The following ATP2C1 variants were observed in gnomAD, a reference collection of about 807,000 sequenced individuals.
The protein encoded by ATP2C1 is calcium-transporting ATPase type 2C member 1.
Under a neutral mutation model 120.5 loss-of-function variants are expected in ATP2C1, and 31 were observed. The ratio of observed to expected loss-of-function variants is 0.26; its 90% CI spans 0.19 to 0.35. ATP2C1 has a LOEUF of 0.35. ATP2C1 is among the 10% of genes least tolerant of loss of function. The probability of loss-of-function intolerance (pLI) is 1.00; values close to 1 mark genes in which losing one functional copy is unlikely to be tolerated. For synonymous variants in ATP2C1, 351 were observed against 358.7 expected, an observed-to-expected ratio of 0.98 and a Z score of 0.24; for missense variants, 731 against 1,107.5, an observed-to-expected ratio of 0.66 and a Z score of 4.83.
chr3:130,888,948 C>T (rs1171748742), intron 1 of ATP2C1, among the ~76,000 whole-genome samples: 3 of 152,064 alleles, frequency 2.0e-5, no homozygotes, highest in East Asian at 1.9e-4. Flanking sequence ...CAAAACACTT[C>T]GAATATTAAA....
chr3:130,983,678 C>T (rs1332240267), intron 20 of ATP2C1, among the ~76,000 whole-genome samples: 2 of 152,212 alleles, frequency 1.3e-5, no homozygotes, highest in African/African-American at 4.8e-5. Flanking sequence ...CTCCCCACTC[C>T]GCTTGAATCC....
chr3:130,947,166 T>C (rs2060188231), intron 8 of ATP2C1, among the ~76,000 whole-genome samples: 1 of 152,164 alleles, frequency 6.6e-6, no homozygotes, highest in Admixed American at 6.6e-5. Context: ...GGGCTCTGTT[T>C]TGGTAGGTGT....
At chr3:130,890,376 G>A (rs1324915821), upstream of ATP2C1, among the ~76,000 whole-genome samples, 1 of 152,142 alleles carries the variant, frequency 6.6e-6, no homozygotes, top group Non-Finnish European at 1.5e-5. Flanking sequence ...GTCTAATCCA[G>A]AAGACTGGTA....
Position 130,980,602 on chromosome 3 carries a change from T to C in ATP2C1, c.1762T>C (p.Ser588Pro), listed in dbSNP as rs1404321836. 2.5e-6 allele frequency: 4 copies of C among 1,613,228 alleles called. No individual in the cohort carries two copies. Among genetic ancestry groups the C allele is most frequent in the Admixed American group, 1.7e-5 (1 of 59,978 alleles). ...VAIASRLGLY[S>P]KTSQSVSGEE... The stretch of plus-strand genomic sequence containing the variant: ...TTTAGCCAGTCGTCTGGGATTGTAT[T>C]CCAAAACTTCCCAGTCAGTCTCAGG... Residue 588 changes from serine to proline, a missense_variant, in exon 20 of 28, where the codon TCC becomes CCC. Coordinates refer to ENST00000510168, the MANE Select transcript of ATP2C1 (RefSeq NM_001378687.1).
chr3:130,973,419 C>T (rs1033608507), intron 17 of ATP2C1, among the ~76,000 whole-genome samples: 1 of 152,284 alleles, frequency 6.6e-6, no homozygotes, highest in South Asian at 2.1e-4. Flanking sequence ...TAGTCTGCCA[C>T]TTAGCCCAGC....
intron 20 of ATP2C1, among the ~76,000 whole-genome samples, chr3:130,986,410 C>T (rs1314522819): frequency 6.6e-6 from 1 of 152,120 alleles, no homozygotes; most frequent in East Asian, 1.9e-4. Context: ...TCAGTTTGTC[C>T]TCTGGCTCTC....
At chr3:130,944,493 A>G (rs1165391183) in intron 8 of ATP2C1, among the ~76,000 whole-genome samples, 2 of 152,130 alleles carry the variant, frequency 1.3e-5, no homozygotes, top group East Asian at 3.9e-4. Context: ...CATGGCGGAG[A>G]CAGCAATTTC....
intron 2 of ATP2C1, among the ~76,000 whole-genome samples, chr3:130,895,133 TG>T (rs2069483711): frequency 6.6e-6 from 1 of 152,132 alleles, no homozygotes; most frequent in Non-Finnish European, 1.5e-5. Flanking sequence ...GACAAGGGGA[TG>T]GGGCTGCATC....
At chr3:131,004,993 C>A (rs1355858952), downstream of ATP2C1, among the ~76,000 whole-genome samples, 2 of 151,096 alleles carry the variant, frequency 1.3e-5, no homozygotes, top group Non-Finnish European at 2.9e-5. Flanking sequence ...CACAGAGGGT[C>A]AATTGTGAAG....
intron 2 of ATP2C1, among the ~76,000 whole-genome samples, chr3:130,925,708 G>A (rs1378897830): frequency 1.3e-5 from 2 of 151,952 alleles, no homozygotes; most frequent in African/African-American, 4.8e-5. Context: ...TTTGTCTTTG[G>A]CTACCAGGAT....
rs147390118 is a variant in ATP2C1 at position 130,972,485 on chromosome 3, T to A, written c.1414-2847T>A. Among the ~76,000 whole-genome samples, 526 of 151,818 alleles carry A rather than the reference T, an allele frequency of 3.5e-3. 4 individuals carry two copies. Among genetic ancestry groups the A allele is most frequent in the African/African-American group, 0.011 (440 of 41,342 alleles). ...AGTTTCTTCACTCTTTTTTTTTTTT[T>A]TATATACTTTAAGTTTTAGGGTACA... On this transcript the variant is annotated intron_variant, in intron 17 of 27. Transcript: ENST00000510168.
intron 2 of ATP2C1, among the ~76,000 whole-genome samples, chr3:130,906,379 C>A (rs1019345566): frequency 6.6e-6 from 1 of 151,974 alleles, no homozygotes; most frequent in Non-Finnish European, 1.5e-5. Context: ...TACTTCATTT[C>A]TTTTTGCGAT....
At chr3:130,893,741 G>T (rs1366589916), upstream of ATP2C1, among the ~76,000 whole-genome samples, 1 of 152,182 alleles carries the variant, frequency 6.6e-6, no homozygotes, top group African/African-American at 2.4e-5. Context: ...GCCGACACGG[G>T]GCGTGGGCGA....
chr3:130,967,536 A>C (rs911285144), intron 16 of ATP2C1, 117 bp downstream of exon 16: 3 of 828,382 alleles, frequency 3.6e-6, no homozygotes, highest in East Asian at 5.2e-5. Context: ...AACTCATACT[A>C]TTTCATTGTT....
downstream of ATP2C1, among the ~76,000 whole-genome samples, chr3:131,004,369 T>TA (rs1257167744): frequency 6.6e-6 from 1 of 152,246 alleles, no homozygotes; most frequent in African/African-American, 2.4e-5. Context: ...TGAGCTCAGT[T>TA]ACCACTTGAA....
intron 1 of ATP2C1, among the ~76,000 whole-genome samples, chr3:130,857,487 C>A (rs2067879590): frequency 6.6e-6 from 1 of 152,232 alleles, no homozygotes; most frequent in South Asian, 2.1e-4. Context: ...GGTTGGTCTA[C>A]TTCCCTCTTT....
intron 2 of ATP2C1, 164 bp from the exon 3 acceptor site, chr3:130,930,252 T>A: frequency 1.5e-6 from 1 of 666,396 alleles, no homozygotes; most frequent in Non-Finnish European, 2.8e-6. Flanking sequence ...AGCATGTGGT[T>A]AGTATAAAAT....
intron 17 of ATP2C1, among the ~76,000 whole-genome samples, chr3:130,971,152 A>G (rs2061298030): frequency 6.6e-6 from 1 of 152,178 alleles, no homozygotes; most frequent in Admixed American, 6.5e-5. Flanking sequence ...TGATAGGTCT[A>G]TTTCATTACA....
downstream of ATP2C1, among the ~76,000 whole-genome samples, chr3:131,006,669 GTAGTA>G (rs1381039736): frequency 7.6e-6 from 1 of 132,418 alleles, no homozygotes; most frequent in Non-Finnish European, 1.6e-5. Context: ...GTGTGTGTGT[GTAGTA>G]CAGTTTCTTG....
Sources: allele counts gnomAD v4.1 joint callset (sites outside exome capture counted in the v4.1 genomes callset), GRCh38; gene constraint gnomAD v4.1.1; transcripts MANE v1.5; gene names NCBI Gene and HGNC (gene_info 2026-07-23, HGNC 2026-07-21).